Variants in HTR4 observed in about 807,000 individuals in gnomAD.
HTR4 encodes 5-hydroxytryptamine receptor 4.
In HTR4, 16 loss-of-function variants were observed where a neutral mutation model predicts 36.8. The ratio of observed to expected loss-of-function variants is 0.43; its 90% CI spans 0.29 to 0.66. The LOEUF is 0.66. HTR4 is among the 30% of genes least tolerant of loss of function. The pLI is 0.13. For missense variants in HTR4, 438 were observed against 490.9 expected (o/e 0.89, Z 1.02); for synonymous variants, 189 against 185.1 (o/e 1.02, Z -0.17).
Position 148,497,961 on chromosome 5 carries a change from A to G in HTR4, c.1076+11495T>C, listed in dbSNP as rs531955115. On this transcript the variant is annotated intron_variant, in intron 6 of 6. Coordinates refer to ENST00000377888, the MANE Select transcript of HTR4 (RefSeq NM_000870.7). The stretch of plus-strand genomic sequence containing the variant: ...TCAACCAAATGCTGTCTTCACTTCT[A>G]TTTTGATCACGGGTTGCATATTTCC... Among the ~76,000 whole-genome samples, 21 of 152,344 alleles carry G rather than the reference A, an allele frequency of 1.4e-4. No individual in the cohort carries two copies. The East Asian group carries it at 3.3e-3, about 24-fold the overall frequency.
intron 2 of HTR4, among the ~76,000 whole-genome samples, chr5:148,586,443 A>G (rs1761352453): frequency 2.6e-5 from 4 of 152,084 alleles, no homozygotes; most frequent in Middle Eastern, 3.4e-3. Flanking sequence ...GTAAAACAGG[A>G]GTATATTAGT....
At chr5:148,594,362 G>A (rs1328558350) in intron 2 of HTR4, among the ~76,000 whole-genome samples, 3 of 151,830 alleles carry the variant, frequency 2.0e-5, no homozygotes, top group Admixed American at 2.0e-4. Context: ...GTGTGTGTGT[G>A]TGTGTGTGTG....
chr5:148,491,784 G>T (rs1212240565), intron 6 of HTR4, among the ~76,000 whole-genome samples: 1 of 152,204 alleles, frequency 6.6e-6, no homozygotes, highest in Non-Finnish European at 1.5e-5. Flanking sequence ...TTTTATTGGT[G>T]TTGGGAGAGG....
chr5:148,595,442 G>A (rs190322842), intron 2 of HTR4, among the ~76,000 whole-genome samples: 9 of 152,190 alleles, frequency 5.9e-5, no homozygotes, highest in East Asian at 5.8e-4. Context: ...CATGTCATCT[G>A]CTTCATCCCA....
intron 2 of HTR4, among the ~76,000 whole-genome samples, chr5:148,574,390 G>GCC (rs1554096834): frequency 1.0e-4 from 15 of 148,508 alleles, no homozygotes; most frequent in Admixed American, 3.4e-4. Flanking sequence ...GCTCTCGCGC[G>GCC]CTCTCTCTCT....
chr5:148,589,147 C>T (rs969716980), intron 2 of HTR4, among the ~76,000 whole-genome samples: 1 of 152,236 alleles, frequency 6.6e-6, no homozygotes, highest in East Asian at 1.9e-4. Context: ...AAGCAATCTG[C>T]AATAAACATA....
At chr5:148,618,881 C>A (rs576060732) in intron 2 of HTR4, among the ~76,000 whole-genome samples, 1 of 152,288 alleles carries the variant, frequency 6.6e-6, no homozygotes, top group Admixed American at 6.5e-5. Flanking sequence ...GCTTTGGTGA[C>A]CACAGAAGTA....
At chr5:148,620,753 A>T (rs1752885053) in intron 2 of HTR4, among the ~76,000 whole-genome samples, 1 of 152,228 alleles carries the variant, frequency 6.6e-6, no homozygotes. Flanking sequence ...TCTATTGGAC[A>T]ACCTGCTCTG....
intron 1 of HTR4, among the ~76,000 whole-genome samples, chr5:148,639,642 T>TATATAG (rs899111746): frequency 2.7e-5 from 4 of 146,910 alleles, no homozygotes; most frequent in African/African-American, 1.0e-4. Context: ...TATATATATA[T>TATATAG]ATAGTCAATT....
chr5:148,594,837 A>G (rs1177426319), intron 2 of HTR4, among the ~76,000 whole-genome samples: 1 of 152,168 alleles, frequency 6.6e-6, no homozygotes, highest in Non-Finnish European at 1.5e-5. Context: ...ATTTTTTACA[A>G]TAAGTTCAAC....
At position 148,493,831 on chromosome 5, in the gene HTR4, C is replaced by T. The variant is rs148683609; in HGVS notation, c.1077-10538G>A. On this transcript the variant is annotated intron_variant, in intron 6 of 6. Coordinates refer to ENST00000377888, the MANE Select transcript of HTR4 (RefSeq NM_000870.7). ...AATGGAGACAAAGGAAGGTCATCCT[C>T]ATTCATCTTTGATTTACCCAGATTA... 5.7e-3 allele frequency among the ~76,000 whole-genome samples: 868 copies of T among 152,272 alleles called. 7 individuals carry two copies. Among genetic ancestry groups the T allele is most frequent in the African/African-American group, 0.02 (817 of 41,544 alleles).
chr5:148,492,063 C>T (rs1756477514), intron 6 of HTR4, among the ~76,000 whole-genome samples: 1 of 152,166 alleles, frequency 6.6e-6, no homozygotes, highest in South Asian at 2.1e-4. Flanking sequence ...TCAAATAAAC[C>T]ACGTTGGGCA....
At chr5:148,562,274 G>A (rs759593457) in intron 2 of HTR4, among the ~76,000 whole-genome samples, 13 of 152,042 alleles carry the variant, frequency 8.6e-5, no homozygotes, top group Non-Finnish European at 1.6e-4. Context: ...GACCCTTTAT[G>A]AAAAAGTGTC....
At chr5:148,595,471 G>A (rs1478002336) in intron 2 of HTR4, among the ~76,000 whole-genome samples, 3 of 152,082 alleles carry the variant, frequency 2.0e-5, no homozygotes, top group Non-Finnish European at 4.4e-5. Context: ...TCTTCTTGAC[G>A]AGACTGATAG....
intron 5 of HTR4, among the ~76,000 whole-genome samples, chr5:148,458,589 G>A (rs1755185642): frequency 1.3e-5 from 2 of 152,130 alleles, no homozygotes; most frequent in African/African-American, 4.8e-5. Context: ...TGTCACTGAG[G>A]AAGCGACAGG....
chr5:148,529,598 T>G (rs943844596), intron 4 of HTR4, among the ~76,000 whole-genome samples: 2 of 152,228 alleles, frequency 1.3e-5, no homozygotes, highest in African/African-American at 2.4e-5. Flanking sequence ...GTCTTGGGTA[T>G]GTCTTTATCA....
At chr5:148,451,459 C>G (rs1398489951) in intron 5 of HTR4, among the ~76,000 whole-genome samples, 1 of 152,050 alleles carries the variant, frequency 6.6e-6, no homozygotes, top group East Asian at 1.9e-4. Flanking sequence ...CCAGATTACT[C>G]ATATTAAATG....
In HTR4 at chr5:148,459,844, C is replaced by T. The variant is rs547840164; in HGVS notation, c.1077-8572G>A. 3.9e-5 allele frequency among the ~76,000 whole-genome samples: 6 copies of T among 152,280 alleles called. No individual in the cohort carries two copies. The East Asian group carries it at 1.2e-3, about 29-fold the overall frequency. On this transcript the variant is annotated intron_variant, in intron 5 of 5. Transcript: ENST00000521530. ...GATATGGAAGGGACATTGGAATTAT[C>T]AGACTGGGAACTTAAAACAACTGTG... is the stretch of plus-strand genomic sequence containing the variant.
chr5:148,541,600 G>A (rs1022226062), intron 4 of HTR4, among the ~76,000 whole-genome samples: 32 of 152,144 alleles, frequency 2.1e-4, no homozygotes, highest in Admixed American at 1.3e-4. Context: ...TTGAAGAAAG[G>A]TGGATGTTTG....
Sources: allele counts gnomAD v4.1 joint callset (sites outside exome capture counted in the v4.1 genomes callset), GRCh38; gene constraint gnomAD v4.1.1; transcripts MANE v1.5; gene names NCBI Gene and HGNC (gene_info 2026-07-23, HGNC 2026-07-21).